The following ANKAR variants were observed in gnomAD, a reference collection of about 807,000 sequenced individuals.
ANKAR encodes ankyrin and armadillo repeat-containing protein.
In ANKAR, 136 loss-of-function variants were observed where a neutral mutation model predicts 146.2. That is an observed-to-expected ratio of 0.93 (90% CI 0.81 to 1.07). ANKAR has a LOEUF of 1.07. ANKAR is among the 50% of genes least tolerant of loss of function. The pLI is 0.00. For missense variants in ANKAR, 1,567 were observed against 1,679.9 expected (o/e 0.93, Z 1.18); for synonymous variants, 500 against 575.8 (o/e 0.87, Z 1.88).
At chr2:189,739,054 C>T (rs1550388) in intron 19 of ANKAR, among the ~76,000 whole-genome samples, 35,877 of 152,084 alleles carry the variant, frequency 0.24, 4,559 homozygotes, top group African/African-American at 0.32. Flanking sequence ...GTCTGGTTTC[C>T]TTTTGTCCAG....
chr2:189,742,902 CCTGACACACACACACACACACACACA>C (rs2043522516), intron 20 of ANKAR, among the ~76,000 whole-genome samples: 1 of 22,190 alleles, frequency 4.5e-5, no homozygotes, highest in African/African-American at 1.4e-4. Flanking sequence ...ACTAGAATTA[CCTGACACACACACACACACACACACA>C]CACACACACA....
downstream of ANKAR, among the ~76,000 whole-genome samples, chr2:189,750,146 A>G (rs2044923401): frequency 6.6e-6 from 1 of 152,136 alleles, no homozygotes; most frequent in South Asian, 2.1e-4. Flanking sequence ...AATGATAAAA[A>G]AAAATTAAAC....
At chr2:189,677,405 T>C (rs1473799486) in intron 2 of ANKAR, among the ~76,000 whole-genome samples, 1 of 152,202 alleles carries the variant, frequency 6.6e-6, no homozygotes, top group Non-Finnish European at 1.5e-5. Flanking sequence ...CAGTGTACAC[T>C]GTACCCCATG....
intron 18 of ANKAR, among the ~76,000 whole-genome samples, chr2:189,759,425 T>C (rs1320155703): frequency 6.6e-6 from 1 of 152,182 alleles, no homozygotes; most frequent in Non-Finnish European, 1.5e-5. Flanking sequence ...ATTTTTTTTG[T>C]ATTTTTAGTA....
chr2:189,715,967 G>C (rs1416626477), intron 10 of ANKAR, among the ~76,000 whole-genome samples: 2 of 151,504 alleles, frequency 1.3e-5, no homozygotes, highest in African/African-American at 2.4e-5. Context: ...TTATGACAAA[G>C]CCACAGCCAA....
chr2:189,713,985 T>A (rs886073875), intron 10 of ANKAR, among the ~76,000 whole-genome samples: 1 of 152,094 alleles, frequency 6.6e-6, no homozygotes, highest in African/African-American at 2.4e-5. Flanking sequence ...TAAAACAGAC[T>A]TTCAACTAAC....
At chr2:189,692,121 A>G (rs1236573019) in intron 3 of ANKAR, 134 bp from the exon 4 acceptor site, 1 of 693,020 alleles carries the variant, frequency 1.4e-6, no homozygotes, top group Non-Finnish European at 2.3e-6. Flanking sequence ...AATTTTATGC[A>G]CTATAATTGC....
chr2:189,704,336 A>ACGGG (rs2038527942), intron 7 of ANKAR, among the ~76,000 whole-genome samples: 1 of 150,138 alleles, frequency 6.7e-6, no homozygotes. Flanking sequence ...AGTAGACCCC[A>ACGGG]GTTTCACCAT....
chr2:189,709,427 TGA>T (rs770493582), intron 9 of ANKAR, among the ~76,000 whole-genome samples: 1 of 152,190 alleles, frequency 6.6e-6, no homozygotes, highest in East Asian at 1.9e-4. Flanking sequence ...TATGGAGTGA[TGA>T]ACACAGAAAA....
chr2:189,752,888 G>A, intron 18 of ANKAR: 1 of 1,613,916 alleles, frequency 6.2e-7, no homozygotes, highest in Non-Finnish European at 8.5e-7. Context: ...TAGTCTGGGA[G>A]GAGGACACAA....
Position 189,743,362 on chromosome 2 carries a change from C to T in ANKAR, c.3898C>T (p.Pro1300Ser). The T allele has an allele frequency of 1.9e-6, 3 of 1,613,894 alleles. No individual in the cohort carries two copies. Among genetic ancestry groups the T allele is most frequent in the Non-Finnish European group, 2.5e-6 (3 of 1,179,912 alleles). Reference sequence around the variant, plus strand: ...CCTATTAAAAGAATGCAGGAATAAACCTAATCAGTTCATTCGTATAAAAAA... The same window carrying T: ...CCTATTAAAAGAATGCAGGAATAAATCTAATCAGTTCATTCGTATAAAAAA... Reference protein sequence around the residue: ...RILLKECRNKPNQFIRIKNNI... With the variant: ...RILLKECRNKSNQFIRIKNNI... Residue 1300 changes from proline (P) to serine (S), a missense_variant, in exon 21 of 23, where the codon CCT (proline) becomes TCT (serine). Pro to Ser is a moderately conservative substitution (Grantham distance 74). Coordinates refer to ENST00000684021, the MANE Select transcript of ANKAR (RefSeq NM_001378068.1).
At chr2:189,757,476 A>C (rs1370444816) in intron 18 of ANKAR, among the ~76,000 whole-genome samples, 2 of 152,264 alleles carry the variant, frequency 1.3e-5, no homozygotes, top group African/African-American at 2.4e-5. Flanking sequence ...GCTTGTATTC[A>C]GCCCTTGCTA....
Position 189,745,475 on chromosome 2 carries a change from C to T in ANKAR, c.4057+687C>T, listed in dbSNP as rs546923623. Among the ~76,000 whole-genome samples the T allele has an allele frequency of 3.9e-4, 59 of 152,228 alleles. No homozygotes were observed. In the South Asian group the frequency reaches 9.3e-3, roughly 24 times the overall value. On this transcript the variant is annotated intron_variant, in intron 22 of 22. Coordinates refer to ENST00000684021, the MANE Select transcript of ANKAR (RefSeq NM_001378068.1). The stretch of plus-strand genomic sequence containing the variant: ...TCTCAGGGCAGAGACCACATTTTTT[C>T]CATTGATACTCTATATAGTTTTGTA...
intron 17 of ANKAR, among the ~76,000 whole-genome samples, chr2:189,737,400 T>C (rs2042956570): frequency 5.0e-5 from 1 of 20,130 alleles, no homozygotes; most frequent in Non-Finnish European, 1.1e-4. Context: ...CAATGGAATT[T>C]TACAAATGAA....
chr2:189,704,535 C>A (rs2038567267), intron 7 of ANKAR, among the ~76,000 whole-genome samples: 1 of 96,420 alleles, frequency 1.0e-5, no homozygotes, highest in Non-Finnish European at 2.0e-5. Context: ...ACATTGAGGC[C>A]TTTGTTAACA....
chr2:189,761,605 A>T, downstream of ANKAR: 2 of 1,603,020 alleles, frequency 1.2e-6, no homozygotes, highest in Non-Finnish European at 1.7e-6. Flanking sequence ...TTGATGGTTT[A>T]AAAAAAACTC....
chr2:189,733,099 A>T lies in ANKAR; in HGVS notation c.3301-8A>T. ...TTGAAAAGTAATTTCTGAAAACCACATGTTTAGGTTGAAGTGGCATTTTCC... is the reference window on the plus strand; with the variant it reads ...TTGAAAAGTAATTTCTGAAAACCACTTGTTTAGGTTGAAGTGGCATTTTCC... On this transcript the variant is annotated splice_polypyrimidine_tract_variant and splice_region_variant and intron_variant, in intron 16 of 22. Coordinates refer to ENST00000684021, the MANE Select transcript of ANKAR (RefSeq NM_001378068.1). The T allele has an allele frequency of 6.3e-7, 1 of 1,595,920 alleles. No individual in the cohort carries two copies.
At position 189,746,640 on chromosome 2, in the gene ANKAR, G is replaced by T. The variant is rs1288525914; in HGVS notation, c.*13G>T. ...TGCAGAAGGCTAATAAAACATTTTA[G>T]AATGAAAGGATTCCTGAGCCATCTT... On this transcript the variant is annotated 3_prime_UTR_variant, in exon 23 of 23. Coordinates refer to ENST00000684021, the MANE Select transcript of ANKAR (RefSeq NM_001378068.1). The T allele has an allele frequency of 3.8e-6, 6 of 1,560,940 alleles. No homozygotes were observed. The highest frequency in any genetic ancestry group is 1.7e-4 in the Middle Eastern group (1 of 5,810).
intron 7 of ANKAR, among the ~76,000 whole-genome samples, chr2:189,704,311 T>A (rs1213690648): frequency 6.6e-6 from 1 of 150,644 alleles, no homozygotes; most frequent in African/African-American, 2.4e-5. Context: ...CCAGTTAAAT[T>A]TTTTTTGTAT....
Sources: gnomAD v4.1 joint callset for allele counts (sites outside exome capture counted in the v4.1 genomes callset) on GRCh38, gnomAD v4.1.1 for gene constraint, MANE v1.5 for transcripts, NCBI Gene and HGNC (gene_info 2026-07-23, HGNC 2026-07-21) for gene names.